TPO: variants seen among roughly 807,000 people sequenced by gnomAD.
The protein encoded by TPO is thyroid microsomal antigen.
TPO carries 78 observed loss-of-function variants against 96.9 expected under a neutral mutation model. The ratio of observed to expected loss-of-function variants is 0.81; its 90% confidence interval spans 0.67 to 0.97. The LOEUF (loss-of-function observed/expected upper bound fraction) is 0.97. Among genes scored for constraint, TPO ranks in the 50% least tolerant of loss-of-function variants. The probability of loss-of-function intolerance (pLI) is 0.00; values close to 1 mark genes in which losing one functional copy is unlikely to be tolerated. For missense variants in TPO, 1,252 were observed against 1,274.8 expected (o/e 0.98, Z 0.27); for synonymous variants, 547 against 538.0 (o/e 1.02, Z -0.23).
At chr2:1,474,436 T>C (rs1032399720) in intron 7 of TPO, among the ~76,000 whole-genome samples, 1 of 152,206 alleles carries the variant, frequency 6.6e-6, no homozygotes, top group Non-Finnish European at 1.5e-5. Context: ...CAGAGGCCAA[T>C]ACAAAAGTTT....
chr2:1,388,861 G>A (rs576083258), intron 1 of TPO, among the ~76,000 whole-genome samples: 3 of 152,088 alleles, frequency 2.0e-5, no homozygotes, highest in Admixed American at 1.3e-4. Context: ...ACTGCCCGAC[G>A]TTAATCATCT....
At chr2:1,537,062 CTGCCACTGTGTGCAACCTCACCAAATCCG>C (rs1558439990) in intron 15 of TPO, among the ~76,000 whole-genome samples, 2 of 33,552 alleles carry the variant, frequency 6.0e-5, no homozygotes, top group Admixed American at 3.2e-4. Context: ...CCCCAAATCC[CTGCCACTGTGTGCAACCTCACCAAATCCG>C]TCCACTGTGT....
At chr2:1,507,393 T>C (rs1214622462) in intron 14 of TPO, among the ~76,000 whole-genome samples, 4 of 152,148 alleles carry the variant, frequency 2.6e-5, no homozygotes, top group African/African-American at 9.7e-5. Flanking sequence ...ATATGAACTT[T>C]AAAGTAGTTT....
chr2:1,433,624 T>A lies in TPO; in HGVS notation c.349+17T>A. The A allele has an allele frequency of 6.2e-7, 1 of 1,612,018 alleles. No homozygotes were observed. The highest frequency in any genetic ancestry group is 8.5e-7 in the Non-Finnish European group (1 of 1,178,844). On this transcript the variant is annotated intron_variant, in intron 4 of 16. Coordinates refer to ENST00000329066, the MANE Select transcript of TPO (RefSeq NM_001206744.2). Reference sequence around the variant, plus strand: ...ATCCAACGGGTAATGTGTGCCCCTCTCCCCACTGAGGAGCGGCAACTCCCG... The same window carrying A: ...ATCCAACGGGTAATGTGTGCCCCTCACCCCACTGAGGAGCGGCAACTCCCG...
intron 5 of TPO, 90 bp downstream of exon 5, chr2:1,436,474 G>GT: frequency 6.3e-7 from 1 of 1,585,984 alleles, no homozygotes. Context: ...ACCACCACTG[G>GT]TGGATCTGTA....
At position 1,543,458 on chromosome 2, in the gene TPO, C is replaced by T. The variant is rs6605278; in HGVS notation, c.*984C>T. On this transcript the variant is annotated 3_prime_UTR_variant, in exon 17 of 17. Transcript: ENST00000329066. ...TCACCCACGAATGACAACAGTGGCACAGGAGGGCTATGAACATTTTGCTTC... is the reference window on the plus strand; with the variant it reads ...TCACCCACGAATGACAACAGTGGCATAGGAGGGCTATGAACATTTTGCTTC... The T allele has an allele frequency of 0.27, 40,794 of 152,046 alleles. 6,362 individuals carry two copies. Among genetic ancestry groups the T allele is most frequent in the African/African-American group, 0.44 (18,138 of 41,444 alleles). The allele number at this position is 152,046 out of a possible 1,614,324, so 9.4% of individuals were successfully genotyped here. A position where few individuals can be genotyped will look rare whatever the true frequency, so the allele number is the denominator to read the frequency against.
intron 7 of TPO, among the ~76,000 whole-genome samples, chr2:1,466,206 T>C (rs1377814247): frequency 6.6e-6 from 1 of 152,234 alleles, no homozygotes; most frequent in Non-Finnish European, 1.5e-5. Context: ...TTGACTTGTG[T>C]ATGTTAAGCC....
At chr2:1,491,921 C>T (rs1166241324) in intron 10 of TPO, among the ~76,000 whole-genome samples, 1 of 152,170 alleles carries the variant, frequency 6.6e-6, no homozygotes, top group African/African-American at 2.4e-5. Flanking sequence ...GCGGCAGAGC[C>T]CACTGTGGAC....
At chr2:1,503,873 C>G (rs1258375210) in intron 13 of TPO, 75 bp from the exon 14 acceptor site, 1 of 1,612,628 alleles carries the variant, frequency 6.2e-7, no homozygotes, top group African/African-American at 1.3e-5. Flanking sequence ...AAGCACCTCC[C>G]AGAACGGGGG....
chr2:1,399,684 T>A (rs998148363), intron 1 of TPO, among the ~76,000 whole-genome samples: 1 of 152,182 alleles, frequency 6.6e-6, no homozygotes, highest in Non-Finnish European at 1.5e-5. Context: ...TCTGCAGATC[T>A]CCAGTGCCTC....
At chr2:1,494,130 A>G (rs558445786) in intron 11 of TPO, 91 bp downstream of exon 11, 186 of 1,275,126 alleles carry the variant, frequency 1.5e-4, no homozygotes, top group Middle Eastern at 2.3e-4. Flanking sequence ...CTGCATTCAC[A>G]TTCCGGCTCC....
intron 1 of TPO, among the ~76,000 whole-genome samples, chr2:1,405,081 C>T (rs1011987591): frequency 7.6e-6 from 1 of 131,870 alleles, no homozygotes; most frequent in Non-Finnish European, 1.6e-5. Context: ...TCGAGTCATC[C>T]ATCGGCCCAT....
At chr2:1,422,065 G>T (rs1200281460) in intron 2 of TPO, among the ~76,000 whole-genome samples, 1 of 152,182 alleles carries the variant, frequency 6.6e-6, no homozygotes, top group African/African-American at 2.4e-5. Flanking sequence ...ACCCTGAGGG[G>T]TCACCCTCTG....
rs1386381457 is a variant in TPO at position 1,453,795 on chromosome 2, T to C, written c.584T>C (p.Phe195Ser). 2 of 1,613,818 alleles carry C rather than the reference T, an allele frequency of 1.2e-6. No individual in the cohort carries two copies. Among genetic ancestry groups the C allele is most frequent in the East Asian group, 2.2e-5 (1 of 44,886 alleles). Residue 195 changes from phenylalanine to serine, a missense_variant, in exon 6 of 17, where the codon TTC becomes TCC. Transcript: ENST00000329066. ...CAGCCCCGAGGCTGGAACCCCGGCT[T>C]CTTGTACAACGGGTTCCCACTGCCC... Reference protein sequence around the residue: ...FSQPRGWNPGFLYNGFPLPPV... With the variant: ...FSQPRGWNPGSLYNGFPLPPV...
At chr2:1,447,731 G>A (rs1212857388) in intron 5 of TPO, among the ~76,000 whole-genome samples, 1 of 152,134 alleles carries the variant, frequency 6.6e-6, no homozygotes, top group East Asian at 1.9e-4. Context: ...GTGTATGTAT[G>A]TATAGATATG....
intron 15 of TPO, among the ~76,000 whole-genome samples, chr2:1,539,218 G>A (rs938482788): frequency 5.9e-5 from 9 of 152,152 alleles, no homozygotes; most frequent in Admixed American, 5.2e-4. Flanking sequence ...CTTTCACATC[G>A]CACGAACACC....
intron 7 of TPO, among the ~76,000 whole-genome samples, chr2:1,459,221 G>A (rs1360976906): frequency 3.3e-5 from 5 of 151,204 alleles, no homozygotes; most frequent in Admixed American, 6.6e-5. Context: ...GTGCAATCTC[G>A]GCTCACTGCA....
At chr2:1,390,549 A>G (rs1661984300) in intron 1 of TPO, among the ~76,000 whole-genome samples, 2 of 152,202 alleles carry the variant, frequency 1.3e-5, no homozygotes, top group African/African-American at 4.8e-5. Context: ...ATACCCAGTA[A>G]TGGGATTGCT....
intron 7 of TPO, among the ~76,000 whole-genome samples, chr2:1,473,720 T>G (rs1669643227): frequency 1.3e-5 from 2 of 152,164 alleles, no homozygotes; most frequent in African/African-American, 2.4e-5. Flanking sequence ...ATGTGATTAT[T>G]TTGTTAAATT....
Sources: allele counts gnomAD v4.1 joint callset (sites outside exome capture counted in the v4.1 genomes callset), GRCh38; gene constraint gnomAD v4.1.1; transcripts MANE v1.5; gene names NCBI Gene and HGNC (gene_info 2026-07-23, HGNC 2026-07-21).